PCLO: variants seen among roughly 807,000 people sequenced by gnomAD.
PCLO encodes the protein piccolo presynaptic cytomatrix protein.
Under a neutral mutation model 427.5 loss-of-function variants are expected in PCLO, and 82 were observed. That is an observed-to-expected ratio of 0.19 (90% CI 0.16 to 0.23). The LOEUF (loss-of-function observed/expected upper bound fraction) is 0.23. Among genes scored for constraint, PCLO ranks in the 10% least tolerant of loss-of-function variants. PCLO has a pLI of 1.00. For missense variants in PCLO, 6,239 were observed against 6,115.9 expected, an observed-to-expected ratio of 1.02 and a Z score of -0.67; for synonymous variants, 2,357 against 2,155.4, an observed-to-expected ratio of 1.09 and a Z score of -2.59.
At chr7:82,965,658 C>T in intron 4 of PCLO, 113 bp downstream of exon 4, 4 of 655,700 alleles carry the variant, frequency 6.1e-6, no homozygotes, top group Non-Finnish European at 1.0e-5. Context: ...GAATGTCATT[C>T]ATTGTTTGAG....
chr7:82,867,777 C>T lies in PCLO; in HGVS notation c.13654+11560G>A, dbSNP rs146729650. Among the ~76,000 whole-genome samples, 697 of 152,108 alleles carry T rather than the reference C, an allele frequency of 4.6e-3. 23 individuals are homozygous for T. Among genetic ancestry groups the T allele is most frequent in the Admixed American group, 0.044 (666 of 15,244 alleles). On this transcript the variant is annotated intron_variant, in intron 10 of 24. Transcript: ENST00000333891. ...GACATTATTTAGTTTCCTTCATGTC[C>T]CTATCACAAAGATTATAATGTAAGC...
rs188624718 is a variant in PCLO at position 82,835,001 on chromosome 7, G to T, written c.14249+666C>A. ...GTTTGTTTTTTGAGGCTGGAGTGCA[G>T]GGGTGCGATCTTGGCTCACTGCAAG... On this transcript the variant is annotated intron_variant, in intron 16 of 24. Transcript: ENST00000333891. Among the ~76,000 whole-genome samples, 4 of 151,990 alleles carry T rather than the reference G, an allele frequency of 2.6e-5. No individual in the cohort carries two copies. The East Asian group carries it at 5.8e-4, about 22-fold the overall frequency.
chr7:82,900,866 C>G (rs75011260), intron 9 of PCLO, among the ~76,000 whole-genome samples: 1 of 151,646 alleles, frequency 6.6e-6, no homozygotes, highest in Non-Finnish European at 1.5e-5. Context: ...AAAGGAATGT[C>G]TGTATTATTT....
In PCLO at chr7:82,999,568, AAATAT is replaced by A. The variant is rs1474914579; in HGVS notation, c.3301-33086_3301-33082del. 9.8e-5 allele frequency among the ~76,000 whole-genome samples: 6 copies of A among 61,096 alleles called. 2 individuals are homozygous for A. The highest frequency in any genetic ancestry group is 1.4e-4 in the Non-Finnish European group (6 of 41,420). 40.1% of individuals were successfully genotyped at this position (61,096 alleles called of 152,430 possible). A position where few individuals can be genotyped will look rare whatever the true frequency, so the allele number is the denominator to read the frequency against. ...AAATATAATATTATATTAAAATATA[AAATAT>A]AATATTATATTAAAATATAAAATAT... On this transcript the variant is annotated intron_variant, in intron 3 of 24. Transcript: ENST00000333891.
chr7:82,861,747 A>G (rs1792962135), intron 10 of PCLO, among the ~76,000 whole-genome samples: 1 of 152,090 alleles, frequency 6.6e-6, no homozygotes, highest in Non-Finnish European at 1.5e-5. Flanking sequence ...ACAAGTTTTA[A>G]AACATTCAAA....
rs1341428366 is a variant in PCLO at position 82,908,869 on chromosome 7, G to T, written c.13437+8C>A. On this transcript the variant is annotated splice_region_variant and intron_variant, in intron 8 of 24. Coordinates refer to ENST00000333891, the MANE Select transcript of PCLO (RefSeq NM_033026.6). The stretch of plus-strand genomic sequence containing the variant: ...AATCTAAAAGAAATTGCTAAATATA[G>T]CACTTACTTGCTCTTGATGTTGACT... 6.2e-7 allele frequency: 1 copy of T among 1,609,994 alleles called. No homozygotes were observed. Among genetic ancestry groups the T allele is most frequent in the East Asian group, 2.2e-5 (1 of 44,714 alleles).
intron 10 of PCLO, among the ~76,000 whole-genome samples, chr7:82,866,655 TACAC>T (rs71096605): frequency 0.35 from 50,008 of 142,906 alleles, 8,928 homozygotes; most frequent in Non-Finnish European, 0.39. Flanking sequence ...TGAAATTTTA[TACAC>T]ACACACACAC....
At chr7:82,902,015 T>A (rs1451802120) in intron 9 of PCLO, among the ~76,000 whole-genome samples, 2 of 151,722 alleles carry the variant, frequency 1.3e-5, no homozygotes, top group East Asian at 3.9e-4. Flanking sequence ...GAAGTCAGTG[T>A]GGCGATTCCT....
rs559944790 is a variant in PCLO, at chr7:82,851,792, T to C, written c.13655-4545A>G. 6.6e-5 allele frequency among the ~76,000 whole-genome samples: 10 copies of C among 152,288 alleles called. No homozygotes were observed. The South Asian group carries it at 1.9e-3, about 28-fold the overall frequency. Reference sequence around the variant, plus strand: ...GCAGCAGCAAAAGATCAGCTGAACATGGCCATCTCCCCTGGCGGACTCAAC... The same window carrying C: ...GCAGCAGCAAAAGATCAGCTGAACACGGCCATCTCCCCTGGCGGACTCAAC... On this transcript the variant is annotated intron_variant, in intron 10 of 24. Coordinates refer to ENST00000333891, the MANE Select transcript of PCLO (RefSeq NM_033026.6).
At chr7:82,904,124 T>G (rs1794123888) in intron 8 of PCLO, among the ~76,000 whole-genome samples, 1 of 151,946 alleles carries the variant, frequency 6.6e-6, no homozygotes, top group African/African-American at 2.4e-5. Context: ...ATTATAAAAA[T>G]ATTAGGGTAA....
intron 3 of PCLO, among the ~76,000 whole-genome samples, chr7:83,083,467 T>A (rs1054796159): frequency 6.6e-6 from 1 of 152,024 alleles, no homozygotes; most frequent in African/African-American, 2.4e-5. Flanking sequence ...GAGTAAAAAA[T>A]TAAATACTGT....
At chr7:82,987,781 A>G (rs1399928793) in intron 3 of PCLO, among the ~76,000 whole-genome samples, 3 of 152,282 alleles carry the variant, frequency 2.0e-5, no homozygotes, top group African/African-American at 7.2e-5. Flanking sequence ...TGAAATTAAA[A>G]GTAGAAAATA....
intron 4 of PCLO, among the ~76,000 whole-genome samples, chr7:82,958,887 A>G (rs1795592934): frequency 6.6e-6 from 1 of 152,146 alleles, no homozygotes; most frequent in Non-Finnish European, 1.5e-5. Context: ...GGAATTCAGT[A>G]TAATTTCTAT....
intron 3 of PCLO, among the ~76,000 whole-genome samples, chr7:82,970,096 C>A (rs183413441): frequency 2.6e-5 from 4 of 151,896 alleles, no homozygotes; most frequent in African/African-American, 9.6e-5. Flanking sequence ...TGAGGCACAG[C>A]AAAAATCATA....
At chr7:82,769,200 G>T (rs536233856) in intron 22 of PCLO, among the ~76,000 whole-genome samples, 2 of 152,050 alleles carry the variant, frequency 1.3e-5, no homozygotes, top group African/African-American at 2.4e-5. Flanking sequence ...AGGCTATTTT[G>T]CTTTTTTCTT....
At chr7:83,068,927 C>T (rs1789738288) in intron 3 of PCLO, among the ~76,000 whole-genome samples, 1 of 152,122 alleles carries the variant, frequency 6.6e-6, no homozygotes, top group East Asian at 1.9e-4. Flanking sequence ...ATACATAATA[C>T]ACACACATAC....
chr7:82,802,686 A>ATTTACTAACAATTAAT (rs1198077534), intron 21 of PCLO, among the ~76,000 whole-genome samples: 1 of 152,190 alleles, frequency 6.6e-6, no homozygotes, highest in Non-Finnish European at 1.5e-5. Flanking sequence ...CACTTCTAGC[A>ATTTACTAACAATTAAT]TAGTGGGATT....
chr7:83,024,347 C>T (rs572294357), intron 3 of PCLO, among the ~76,000 whole-genome samples: 60 of 152,300 alleles, frequency 3.9e-4, no homozygotes, highest in African/African-American at 1.3e-3. Context: ...GGGTGATGGA[C>T]GGCACCTGGA....
intron 3 of PCLO, among the ~76,000 whole-genome samples, chr7:82,988,938 G>A (rs931644288): frequency 1.3e-5 from 2 of 151,798 alleles, no homozygotes; most frequent in East Asian, 1.9e-4. Context: ...GGGTTCAAGC[G>A]ATTCTCCTGC....
Sources: gnomAD v4.1 joint callset for allele counts (sites outside exome capture counted in the v4.1 genomes callset) on GRCh38, gnomAD v4.1.1 for gene constraint, MANE v1.5 for transcripts, NCBI Gene and HGNC (gene_info 2026-07-23, HGNC 2026-07-21) for gene names.